Variants in HSPA12A observed in about 807,000 individuals in gnomAD.
HSPA12A encodes the protein heat shock 70 kDa protein 12A.
HSPA12A carries 28 observed loss-of-function variants against 69.2 expected under a neutral mutation model. The ratio of observed to expected loss-of-function variants is 0.40; its 90% CI spans 0.30 to 0.55. HSPA12A has a LOEUF of 0.55. HSPA12A is among the 20% of genes least tolerant of loss of function. The probability of loss-of-function intolerance (pLI) is 0.38; values close to 1 mark genes in which losing one functional copy is unlikely to be tolerated. For synonymous variants in HSPA12A, 345 were observed against 370.5 expected (o/e 0.93, Z 0.79); for missense variants, 686 against 900.7 (o/e 0.76, Z 3.05).
intron 1 of HSPA12A, chr10:116,849,428 C>T (rs887998571): frequency 1.1e-5 from 13 of 1,218,460 alleles, no homozygotes; most frequent in Non-Finnish European, 1.3e-5. Context: ...TAAAAGGGAA[C>T]GACTTTTACC....
At chr10:116,679,887 T>TAAG in intron 9 of HSPA12A, 126 bp from the exon 10 acceptor site, 3 of 914,654 alleles carry the variant, frequency 3.3e-6, no homozygotes, top group Non-Finnish European at 5.1e-6. Flanking sequence ...GCTATAAGTG[T>TAAG]TTACTTACAC....
intron 3 of HSPA12A, 91 bp from the exon 4 acceptor site, chr10:116,701,220 G>A: frequency 8.1e-7 from 1 of 1,240,754 alleles, no homozygotes; most frequent in Non-Finnish European, 1.1e-6. Context: ...ATGCATGAGT[G>A]TCAGTAATGT....
chr10:116,810,979 A>G (rs1383274836), intron 2 of HSPA12A, among the ~76,000 whole-genome samples: 1 of 152,172 alleles, frequency 6.6e-6, no homozygotes, highest in African/African-American at 2.4e-5. Flanking sequence ...AAAAACAACA[A>G]AACAAAGATA....
intron 2 of HSPA12A, among the ~76,000 whole-genome samples, chr10:116,753,039 CA>C (rs1316109962): frequency 6.6e-6 from 1 of 152,168 alleles, no homozygotes; most frequent in Admixed American, 6.5e-5. Flanking sequence ...ATAAATGACA[CA>C]AAAAATAAAA....
chr10:116,690,408 A>G (rs1200310524), intron 6 of HSPA12A, among the ~76,000 whole-genome samples: 1 of 152,240 alleles, frequency 6.6e-6, no homozygotes, highest in Non-Finnish European at 1.5e-5. Context: ...ATGCATGAAC[A>G]AAAAAAGCAA....
At chr10:116,727,752 GTTTTTTTTTTTT>G (rs71859215) in intron 1 of HSPA12A, among the ~76,000 whole-genome samples, 1 of 131,382 alleles carries the variant, frequency 7.6e-6, no homozygotes, top group Non-Finnish European at 1.6e-5. Flanking sequence ...ATGTAAGTGG[GTTTTTTTTTTTT>G]TTTTGGTTTT....
At position 116,715,711 on chromosome 10, in the gene HSPA12A, G is replaced by A. The variant is rs186955494; in HGVS notation, c.41-8426C>T. 3.4e-3 allele frequency among the ~76,000 whole-genome samples: 517 copies of A among 152,284 alleles called. 6 individuals are homozygous for A. The highest frequency in any genetic ancestry group is 4.1e-3 in the Non-Finnish European group (279 of 68,032). On this transcript the variant is annotated intron_variant, in intron 1 of 11. Transcript: ENST00000369209. ...ATGTGCCAGTTACATGGAAGCTCCC[G>A]GACGGCAGGTCAATGTTTTTCTTCC...
chr10:116,803,266 G>C (rs893329264), intron 2 of HSPA12A, among the ~76,000 whole-genome samples: 5 of 152,230 alleles, frequency 3.3e-5, no homozygotes, highest in Non-Finnish European at 7.3e-5. Context: ...CCGACTCCTT[G>C]GGGAGCCAAC....
At chr10:116,745,800 C>A (rs1851634203), upstream of HSPA12A, among the ~76,000 whole-genome samples, 1 of 152,128 alleles carries the variant, frequency 6.6e-6, no homozygotes, top group African/African-American at 2.4e-5. Flanking sequence ...CTCCTCTGTG[C>A]CCAACCCCCC....
intron 1 of HSPA12A, among the ~76,000 whole-genome samples, chr10:116,724,184 T>C (rs1459528031): frequency 1.3e-5 from 2 of 151,774 alleles, no homozygotes; most frequent in Non-Finnish European, 2.9e-5. Context: ...CACAAGGGAG[T>C]GTCACAGATA....
intron 1 of HSPA12A, among the ~76,000 whole-genome samples, chr10:116,721,697 T>C (rs548394324): frequency 1.3e-5 from 2 of 151,730 alleles, no homozygotes; most frequent in South Asian, 4.2e-4. Flanking sequence ...CAAATATGAG[T>C]CTCTCCAAAC....
chr10:116,849,649 G>A (rs1179516870), exon 1 of HSPA12A: 3 of 1,544,256 alleles, frequency 1.9e-6, no homozygotes, highest in African/African-American at 1.4e-5. Flanking sequence ...GAGTACTACC[G>A]GGAGAACGAC....
chr10:116,820,241 A>AGACAAACAATAGTTTCTGTACTTT lies in HSPA12A; in HGVS notation c.91+14693_91+14694insAAAGTACAGAAACTATTGTTTGTC, dbSNP rs560674008. Among the ~76,000 whole-genome samples, 134 of 152,354 alleles carry AGACAAACAATAGTTTCTGTACTTT rather than the reference A, an allele frequency of 8.8e-4. 2 individuals carry two copies. In the South Asian group the frequency reaches 0.026, roughly 30 times the overall value. On this transcript the variant is annotated intron_variant, in intron 2 of 12. Coordinates refer to the HSPA12A transcript ENST00000635765. ...AAATTAAAAATCAAGGAAAAATAAGAGACAAACATCTTGAACAGCAACATA... is the reference window on the plus strand; with the variant it reads ...AAATTAAAAATCAAGGAAAAATAAGAGACAAACAATAGTTTCTGTACTTTGACAAACATCTTGAACAGCAACATA...
intron 7 of HSPA12A, among the ~76,000 whole-genome samples, chr10:116,682,849 C>G (rs560807312): frequency 1.3e-5 from 2 of 150,692 alleles, no homozygotes; most frequent in Non-Finnish European, 2.9e-5. Flanking sequence ...TACAGGCACC[C>G]GCCACCTCGC....
intron 2 of HSPA12A, among the ~76,000 whole-genome samples, chr10:116,821,542 T>G (rs1171922620): frequency 6.6e-6 from 1 of 152,274 alleles, no homozygotes; most frequent in Admixed American, 6.5e-5. Flanking sequence ...TCATTTAACA[T>G]ATTCAGATTT....
At chr10:116,837,071 C>T (rs753770307) in intron 1 of HSPA12A, among the ~76,000 whole-genome samples, 5 of 152,158 alleles carry the variant, frequency 3.3e-5, no homozygotes, top group South Asian at 2.1e-4. Context: ...CACTTGGCGG[C>T]GGCAGTGACA....
At position 116,762,575 on chromosome 10, in the gene HSPA12A, C is replaced by A. The variant is rs568096462; in HGVS notation, c.92-55290G>T. ...TCCTCTTTCTCGCCTTAGAAACTCCCCTTACTCTTTCTTTTTTTATTTTTT... is the reference window on the plus strand; with the variant it reads ...TCCTCTTTCTCGCCTTAGAAACTCCACTTACTCTTTCTTTTTTTATTTTTT... On this transcript the variant is annotated intron_variant, in intron 2 of 12. Coordinates refer to the HSPA12A transcript ENST00000635765. Among the ~76,000 whole-genome samples the A allele has an allele frequency of 2.6e-5, 4 of 152,042 alleles. No homozygotes were observed. In the South Asian group the frequency reaches 8.3e-4, roughly 32 times the overall value.
rs1177765777 is a variant in HSPA12A, at chr10:116,675,952, C to G, written c.1390+447G>C. 2.0e-5 allele frequency among the ~76,000 whole-genome samples: 3 copies of G among 152,158 alleles called. No individual in the cohort carries two copies. In the East Asian group the frequency reaches 5.8e-4, roughly 29 times the overall value. On this transcript the variant is annotated intron_variant, in intron 11 of 11. Coordinates refer to ENST00000369209, the MANE Select transcript of HSPA12A (RefSeq NM_025015.3). The surrounding 1 kb of genome is among the most constrained non-coding windows in gnomAD (Gnocchi z 5.2). ...CTTGCAGAACTTCCTTTGATTCACACAACAGTTCCTTCTCCCCTAGCAGGG... is the reference window on the plus strand; with the variant it reads ...CTTGCAGAACTTCCTTTGATTCACAGAACAGTTCCTTCTCCCCTAGCAGGG...
At chr10:116,834,613 G>C (rs1457363841) in intron 2 of HSPA12A, among the ~76,000 whole-genome samples, 1 of 152,178 alleles carries the variant, frequency 6.6e-6, no homozygotes, top group African/African-American at 2.4e-5. Context: ...AAGACAGCAC[G>C]AGGCCGGTAG....
Sources: allele counts gnomAD v4.1 joint callset (sites outside exome capture counted in the v4.1 genomes callset), GRCh38; gene constraint gnomAD v4.1.1; non-coding constraint Gnocchi (gnomAD v3.1); transcripts MANE v1.5; gene names NCBI Gene and HGNC (gene_info 2026-07-23, HGNC 2026-07-21).